The following MIPEP variants were observed in gnomAD, a reference collection of about 807,000 sequenced individuals.
The protein encoded by MIPEP is mitochondrial intermediate peptidase.
A neutral mutation model predicts 90.3 loss-of-function variants in MIPEP; 79 were observed. That is an observed-to-expected ratio of 0.87 (90% CI 0.73 to 1.05). The LOEUF is 1.05. MIPEP is among the 50% of genes least tolerant of loss of function. MIPEP has a pLI of 0.00. For missense variants in MIPEP, 940 were observed against 905.6 expected (o/e 1.04, Z -0.49); for synonymous variants, 334 against 315.8 (o/e 1.06, Z -0.61).
intron 16 of MIPEP, among the ~76,000 whole-genome samples, chr13:23,800,285 G>A (rs865828321): frequency 1.3e-5 from 2 of 152,184 alleles, no homozygotes; most frequent in Middle Eastern, 3.4e-3. Flanking sequence ...AGAGGAGGGT[G>A]AAAATGTAAA....
chr13:23,851,373 C>A (rs996079918), intron 10 of MIPEP, among the ~76,000 whole-genome samples: 1 of 152,220 alleles, frequency 6.6e-6, no homozygotes, highest in East Asian at 1.9e-4. Context: ...TTTATAATGA[C>A]GCTTTACAAA....
At chr13:23,781,920 A>T (rs895872418) in intron 16 of MIPEP, among the ~76,000 whole-genome samples, 97 of 152,334 alleles carry the variant, frequency 6.4e-4, no homozygotes, top group African/African-American at 2.2e-3. Context: ...TTAAATATAT[A>T]TGCACCCAAT....
intron 16 of MIPEP, among the ~76,000 whole-genome samples, chr13:23,784,451 C>G (rs1340452958): frequency 1.3e-5 from 2 of 151,774 alleles, no homozygotes; most frequent in Non-Finnish European, 2.9e-5. Context: ...AAAGCTGAAA[C>G]TGGATCCCTT....
At chr13:23,830,439 C>A (rs887453263) in intron 14 of MIPEP, among the ~76,000 whole-genome samples, 1 of 152,054 alleles carries the variant, frequency 6.6e-6, no homozygotes, top group African/African-American at 2.4e-5. Context: ...GGGAGGCAAG[C>A]GGGGCAGAGA....
chr13:23,840,093 T>C (rs1869229359), intron 11 of MIPEP, among the ~76,000 whole-genome samples: 1 of 152,200 alleles, frequency 6.6e-6, no homozygotes, highest in African/African-American at 2.4e-5. Context: ...TGTCGTGATA[T>C]ACGCCCAAGC....
chr13:23,856,084 G>A (rs1391489467), intron 10 of MIPEP, among the ~76,000 whole-genome samples: 1 of 152,238 alleles, frequency 6.6e-6, no homozygotes, highest in Admixed American at 6.5e-5. Context: ...TGTTCTTGCA[G>A]AGCTTTAAAA....
At chr13:23,833,734 TA>T (rs928356523) in intron 14 of MIPEP, among the ~76,000 whole-genome samples, 9 of 152,178 alleles carry the variant, frequency 5.9e-5, no homozygotes, top group African/African-American at 2.2e-4. Context: ...ATTTTACTTT[TA>T]AAAAAATGAC....
chr13:23,878,665 G>C (rs75783226), intron 4 of MIPEP, among the ~76,000 whole-genome samples: 1 of 152,094 alleles, frequency 6.6e-6, no homozygotes, highest in East Asian at 1.9e-4. Flanking sequence ...AAGATATCTA[G>C]GTTCCTATAT....
In MIPEP at chr13:23,837,899, T is replaced by C. The variant is rs1216686688; in HGVS notation, c.1339-143A>G. 6 of 587,238 alleles carry C rather than the reference T, an allele frequency of 1.0e-5. No individual in the cohort carries two copies. In the Admixed American group the frequency reaches 1.2e-4, roughly 12 times the overall value. The allele number at this position is 587,238 out of a possible 1,614,324, so 36.4% of individuals were successfully genotyped here. ...TATATTCTTATTCTATCTATTTACATATATACACCTTTTCTTGACATTTTT... is the reference window on the plus strand; with the variant it reads ...TATATTCTTATTCTATCTATTTACACATATACACCTTTTCTTGACATTTTT... On this transcript the variant is annotated intron_variant, in intron 12 of 18. Transcript: ENST00000382172.
chr13:23,795,443 T>A (rs1378843955), intron 16 of MIPEP, among the ~76,000 whole-genome samples: 3 of 152,200 alleles, frequency 2.0e-5, no homozygotes, highest in Non-Finnish European at 4.4e-5. Context: ...GATTTCTGTA[T>A]AAGGACTCCC....
At chr13:23,755,011 G>A (rs1024382541) in intron 18 of MIPEP, among the ~76,000 whole-genome samples, 3 of 152,162 alleles carry the variant, frequency 2.0e-5, no homozygotes, top group Non-Finnish European at 4.4e-5. Context: ...ATAAGCAGAG[G>A]GCCTAACCTG....
Position 23,881,687 on chromosome 13 carries a change from A to C in MIPEP, c.452+12T>G. 6.2e-7 allele frequency: 1 copy of C among 1,607,208 alleles called. No homozygotes were observed. The highest frequency in any genetic ancestry group is 1.3e-5 in the African/African-American group (1 of 74,894). ...GACTTGGCATGGAGGTGGGGAGGGG[A>C]ACAGCACATACTTCTCTACCATGGT... On this transcript the variant is annotated intron_variant, in intron 3 of 18. Coordinates refer to ENST00000382172, the MANE Select transcript of MIPEP (RefSeq NM_005932.4).
intron 10 of MIPEP, among the ~76,000 whole-genome samples, chr13:23,858,435 T>G (rs1870137013): frequency 7.4e-6 from 1 of 135,198 alleles, no homozygotes; most frequent in African/African-American, 2.8e-5. Context: ...AGAGCGCCAC[T>G]GCACTCCAGC....
At chr13:23,760,487 T>C in intron 16 of MIPEP, 1 of 636,192 alleles carries the variant, frequency 1.6e-6, no homozygotes, top group Non-Finnish European at 3.1e-6. Context: ...AAAGACGTGA[T>C]TAAGTAAAAG....
intron 16 of MIPEP, among the ~76,000 whole-genome samples, chr13:23,764,559 T>C (rs1952576125): frequency 6.6e-6 from 1 of 152,126 alleles, no homozygotes; most frequent in African/African-American, 2.4e-5. Context: ...CCAATTATAC[T>C]CTTTTTAAAT....
At chr13:23,841,217 A>C (rs1228958026) in intron 11 of MIPEP, 118 bp downstream of exon 11, 42 of 795,036 alleles carry the variant, frequency 5.3e-5, no homozygotes, top group Non-Finnish European at 3.9e-6. Context: ...AAGCAGAAAT[A>C]AGGCAGGGGA....
intron 16 of MIPEP, chr13:23,765,908 G>A (rs927477261): frequency 6.6e-6 from 1 of 152,064 alleles, no homozygotes; most frequent in African/African-American, 2.4e-5. Context: ...GTGGTATTAG[G>A]GTAAGAATGG....
chr13:23,749,910 C>T (rs1952422871), intron 18 of MIPEP, among the ~76,000 whole-genome samples: 1 of 152,116 alleles, frequency 6.6e-6, no homozygotes, highest in South Asian at 2.1e-4. Flanking sequence ...TACCTTCCAG[C>T]CTCATTTTGT....
rs549449461 is a variant in MIPEP at position 23,748,460 on chromosome 13, T to G, written c.2044+8085A>C. On this transcript the variant is annotated intron_variant, in intron 18 of 18. Coordinates refer to ENST00000382172, the MANE Select transcript of MIPEP (RefSeq NM_005932.4). ...AAATTAGGAAGTAAATGTTAATATG[T>G]GCTATGAAGCAAAAACAAAGCAGAG... Among the ~76,000 whole-genome samples the G allele has an allele frequency of 1.7e-4, 26 of 152,248 alleles. No individual in the cohort carries two copies. The South Asian group carries it at 4.8e-3, about 28-fold the overall frequency.
Sources: allele counts gnomAD v4.1 joint callset (sites outside exome capture counted in the v4.1 genomes callset), GRCh38; gene constraint gnomAD v4.1.1; transcripts MANE v1.5; gene names NCBI Gene and HGNC (gene_info 2026-07-23, HGNC 2026-07-21).